The following ANKRD54 variants were observed in gnomAD, a reference collection of about 807,000 sequenced individuals.
ANKRD54 encodes ankyrin repeat domain 54.
In ANKRD54, 26 loss-of-function variants were observed where a neutral mutation model predicts 36.2. The ratio of observed to expected loss-of-function variants is 0.72; its 90% CI spans 0.53 to 1.00. ANKRD54 has a LOEUF of 1.00. Ranked by LOEUF, ANKRD54 falls within the 50% of genes least tolerant of loss-of-function variation. The pLI, the probability that ANKRD54 is intolerant of heterozygous loss-of-function variation, is 0.00. For missense variants in ANKRD54, 384 were observed against 424.3 expected, an observed-to-expected ratio of 0.91 and a Z score of 0.83; for synonymous variants, 209 against 188.4, an observed-to-expected ratio of 1.11 and a Z score of -0.89.
At position 37,831,597 on chromosome 22, in the gene ANKRD54, T is replaced by C; in HGVS notation, c.*346A>G. ...GGCCAGGACGGAACACAGAGAAGGG[T>C]CTGAGGCCTGGAGCGCGCCATGAAG... On this transcript the variant is annotated 3_prime_UTR_variant, in exon 8 of 8. Transcript: ENST00000215941. 1 of 284,800 alleles carries C rather than the reference T, an allele frequency of 3.5e-6. No homozygotes were observed. Among genetic ancestry groups the C allele is most frequent in the Non-Finnish European group, 6.8e-6 (1 of 146,818 alleles). The allele number at this position is 284,800 out of a possible 1,614,324, so 17.6% of individuals were successfully genotyped here. A position where few individuals can be genotyped will look rare whatever the true frequency, so the allele number is the denominator to read the frequency against.
intron 1 of ANKRD54, among the ~76,000 whole-genome samples, chr22:37,841,398 C>T (rs1400250289): frequency 2.6e-5 from 4 of 152,028 alleles, no homozygotes; most frequent in South Asian, 4.1e-4. Flanking sequence ...TGGGGGTGCA[C>T]GCCTACAATC....
intron 3 of ANKRD54, among the ~76,000 whole-genome samples, chr22:37,836,918 A>G (rs1044746737): frequency 6.6e-6 from 1 of 151,166 alleles, no homozygotes; most frequent in African/African-American, 2.4e-5. Flanking sequence ...AATCCCAGCT[A>G]CCCGGGAGGC....
chr22:37,843,956 C>G lies in ANKRD54; in HGVS notation c.283G>C (p.Ala95Pro). 7.2e-7 allele frequency: 1 copy of G among 1,398,404 alleles called. No homozygotes were observed. The allele number at this position is 1,398,404 out of a possible 1,614,324, so 86.6% of individuals were successfully genotyped here. ...KIPAGRLRRA[A>P]RPHRRLGPTG... is the part of the protein sequence containing the mutation. ...GGCCCGAGCCGCCGGTGGGGCCTGGCAGCGCGCCTCAGCCGGCCAGCGGGT... is the reference window on the plus strand; with the variant it reads ...GGCCCGAGCCGCCGGTGGGGCCTGGGAGCGCGCCTCAGCCGGCCAGCGGGT... The change falls in exon 1 of 8, where the codon GCC becomes CCC. Residue 95 changes from alanine (A) to proline (P), a missense_variant. This residue lies in a region of ANKRD54 where 195 missense variants were observed against 177.7 expected (regional missense o/e 1.10). Coordinates refer to ENST00000215941, the MANE Select transcript of ANKRD54 (RefSeq NM_138797.4).
chr22:37,845,030 A>G (rs866116441), upstream of ANKRD54, among the ~76,000 whole-genome samples: 15 of 152,072 alleles, frequency 9.9e-5, no homozygotes, highest in Non-Finnish European at 1.6e-4. Flanking sequence ...GCAAAAAAAA[A>G]AAAAAAAAAG....
chr22:37,833,684 C>T lies in ANKRD54; in HGVS notation c.547G>A (p.Ala183Thr), dbSNP rs780980155. 4 of 1,614,042 alleles carry T rather than the reference C, an allele frequency of 2.5e-6. No individual in the cohort carries two copies. In the Admixed American group the frequency reaches 5.0e-5, roughly 20 times the overall value. The change falls in exon 4 of 8, where the codon GCG becomes ACG. Residue 183 changes from alanine (A) to threonine (T), a missense_variant and splice_region_variant. By Grantham distance (58) the Ala-to-Thr change is moderately conservative (BLOSUM62 0). This residue lies in a region of ANKRD54 where 179 missense variants were observed against 224.0 expected (regional missense o/e 0.80). Transcript: ENST00000215941. ...DGLGNTPLHL[A>T]ACTNHVPVIT... ...TCTTAGTGACTTCTGACATGCTTAC[C>T]CAGGTGCAGTGGCGTGTTCCCCAGC...
chr22:37,833,834 G>C (rs1923203342), intron 3 of ANKRD54, 79 bp from the exon 4 acceptor site: 1 of 1,376,098 alleles, frequency 7.3e-7, no homozygotes, highest in Non-Finnish European at 1.0e-6. Flanking sequence ...AGCTAGAGAG[G>C]CTGGCTCAGA....
chr22:37,845,021 C>CAA (rs10600027), upstream of ANKRD54, among the ~76,000 whole-genome samples: 22 of 119,084 alleles, frequency 1.8e-4, no homozygotes, highest in Admixed American at 9.8e-4. Flanking sequence ...TCAATGAACG[C>CAA]AAAAAAAAAA....
chr22:37,831,664 C>T lies in ANKRD54; in HGVS notation c.*279G>A. On this transcript the variant is annotated 3_prime_UTR_variant, in exon 8 of 8. Transcript: ENST00000215941. ...GGTCTGCTGAGATAGCGCAGGTCTG[C>T]GGAGCTGAAGTGCAGCTGCAGAGGC... The T allele has an allele frequency of 6.0e-6, 3 of 495,882 alleles. No homozygotes were observed. The highest frequency in any genetic ancestry group is 5.1e-5 in the South Asian group (2 of 39,166). The allele number at this position is 495,882 out of a possible 1,614,324, so 30.7% of individuals were successfully genotyped here.
chr22:37,833,682 A>AC lies in ANKRD54; in HGVS notation c.547+1dup. Reference sequence around the variant, plus strand: ...TGTCTTAGTGACTTCTGACATGCTTACCCAGGTGCAGTGGCGTGTTCCCCA... The same window carrying AC: ...TGTCTTAGTGACTTCTGACATGCTTACCCCAGGTGCAGTGGCGTGTTCCCCA... On this transcript the variant is annotated splice_donor_variant, in intron 4 of 7. Transcript: ENST00000215941. LOFTEE classifies it high-confidence loss of function. 1 of 1,613,926 alleles carries AC rather than the reference A, an allele frequency of 6.2e-7. No homozygotes were observed. The highest frequency in any genetic ancestry group is 8.5e-7 in the Non-Finnish European group (1 of 1,179,880).
At chr22:37,837,899 C>T (rs1021879053) in intron 3 of ANKRD54, among the ~76,000 whole-genome samples, 12 of 152,072 alleles carry the variant, frequency 7.9e-5, no homozygotes, top group African/African-American at 2.7e-4. Flanking sequence ...TTTGGGAAGC[C>T]GAGGCGGGTG....
chr22:37,841,393 G>A (rs750672766), intron 1 of ANKRD54, among the ~76,000 whole-genome samples: 1 of 152,102 alleles, frequency 6.6e-6, no homozygotes, highest in Non-Finnish European at 1.5e-5. Context: ...GGGCATGGGG[G>A]TGCACGCCTA....
At chr22:37,841,280 C>T (rs1242850710) in intron 1 of ANKRD54, among the ~76,000 whole-genome samples, 1 of 151,900 alleles carries the variant, frequency 6.6e-6, no homozygotes, top group East Asian at 1.9e-4. Context: ...AATCCCAGAA[C>T]GTTGGAAAGC....
Position 37,838,536 on chromosome 22 carries a change from G to A in ANKRD54, c.439C>T (p.Leu147=). The A allele has an allele frequency of 6.2e-7, 1 of 1,612,648 alleles. No individual in the cohort carries two copies. The highest frequency in any genetic ancestry group is 8.5e-7 in the Non-Finnish European group (1 of 1,179,504). The change falls in exon 3 of 8, where the codon CTA becomes TTA. Residue 147 remains leucine (L), a synonymous_variant. Coordinates refer to ENST00000215941, the MANE Select transcript of ANKRD54 (RefSeq NM_138797.4). ...TTGCCATTGCATGAGGCAAAGTGTA[G>A]AGCTGTGCGGCCCTTGTCATCAGCT... The part of the protein sequence containing the change: ...CAADDKGRTA[L]HFASCNGNDQ...
rs2145993873 is a variant in ANKRD54, at chr22:37,844,226, C to G, written c.13G>C (p.Ala5Pro). 1 of 1,537,404 alleles carries G rather than the reference C, an allele frequency of 6.5e-7. No individual in the cohort carries two copies. Among genetic ancestry groups the G allele is most frequent in the East Asian group, 2.6e-5 (1 of 38,130 alleles). MAAA[A>P]GDADDEPRSG... ...CGCGGCTCGTCGTCCGCGTCCCCGG[C>G]GGCGGCTGCCATGGCAACGGCTCCG... The change falls in exon 1 of 8, where the codon GCC becomes CCC. Residue 5 changes from alanine to proline, a missense_variant. Physicochemically the swap from Ala to Pro is conservative, Grantham distance 27 (BLOSUM62 -1). Coordinates refer to ENST00000215941, the MANE Select transcript of ANKRD54 (RefSeq NM_138797.4).
chr22:37,831,959 C>T lies in ANKRD54; in HGVS notation c.887G>A (p.Ser296Asn), dbSNP rs1281407517. The change falls in exon 8 of 8, where the codon AGC becomes AAC. Residue 296 changes from serine (S) to asparagine (N), a missense_variant. Physicochemically the swap from Ser to Asn is conservative, Grantham distance 46. Around this residue, in one of 3 missense-constraint regions of ANKRD54, gnomAD observed 179 missense variants for 224.0 expected, o/e 0.80. Transcript: ENST00000215941. ...CCTCTCTTGCTACCTCTTCTCCATG[C>T]TCTGCATCTGCAGACTGAGGGAGGT... ...SFTSLSLQMQSMEKR is the reference protein window; with the variant it reads ...SFTSLSLQMQNMEKR 8 of 1,613,586 alleles carry T rather than the reference C, an allele frequency of 5.0e-6. No individual in the cohort carries two copies. The African/African-American group carries it at 8.0e-5, about 16-fold the overall frequency.
chr22:37,844,756 G>A (rs576523221), upstream of ANKRD54, among the ~76,000 whole-genome samples: 196 of 152,222 alleles, frequency 1.3e-3, no homozygotes, highest in African/African-American at 4.5e-3. Context: ...TTTTAGTAGA[G>A]ACGGGGTTTC....
intron 2 of ANKRD54, 61 bp from the exon 3 acceptor site, chr22:37,838,659 G>C (rs1288797215): frequency 9.2e-6 from 14 of 1,526,518 alleles, no homozygotes; most frequent in Non-Finnish European, 1.1e-5. Context: ...CTAAGCTGCA[G>C]ACCCGAGCGA....
chr22:37,840,214 A>AGT lies in ANKRD54; in HGVS notation c.347_348dup (p.Ser117ThrfsTer87), dbSNP rs1924051238. 20 of 1,614,048 alleles carry AGT rather than the reference A, an allele frequency of 1.2e-5. No homozygotes were observed. Among genetic ancestry groups the AGT allele is most frequent in the Non-Finnish European group, 1.7e-5 (20 of 1,179,950 alleles). On this transcript the variant is annotated frameshift_variant, in exon 2 of 8. Coordinates refer to ENST00000215941, the MANE Select transcript of ANKRD54 (RefSeq NM_138797.4). LOFTEE classifies it high-confidence loss of function. ...GTTTCCACATCATTGGCATTGGCCG[A>AGT]GTCCCTCAGTCTCTTCAGAGCTGTA...
At chr22:37,840,360 C>T in intron 1 of ANKRD54, 126 bp from the exon 2 acceptor site, 4 of 985,224 alleles carry the variant, frequency 4.1e-6, no homozygotes, top group Admixed American at 1.9e-5. Flanking sequence ...AGATCGAGAC[C>T]ATCCTGGCTA....
Sources: allele counts gnomAD v4.1 joint callset (sites outside exome capture counted in the v4.1 genomes callset), GRCh38; gene constraint gnomAD v4.1.1; regional missense constraint gnomAD v4.1.1; transcripts MANE v1.5; gene names NCBI Gene and HGNC (gene_info 2026-07-23, HGNC 2026-07-21).